CDH2: variants seen among roughly 807,000 people sequenced by gnomAD.
The protein encoded by CDH2 is cadherin 2.
Under a neutral mutation model 92.0 loss-of-function variants are expected in CDH2, and 17 were observed. The observed-to-expected ratio is 0.18, with a 90% CI of 0.13 to 0.28. The LOEUF (loss-of-function observed/expected upper bound fraction) is 0.28. Among genes scored for constraint, CDH2 ranks in the 10% least tolerant of loss-of-function variants. CDH2 has a pLI of 1.00. For missense variants in CDH2, 862 were observed against 1,133.1 expected (o/e 0.76, Z 3.44); for synonymous variants, 419 against 415.9 (o/e 1.01, Z -0.09).
intron 2 of CDH2, among the ~76,000 whole-genome samples, chr18:28,047,070 C>T (rs989455707): frequency 1.3e-5 from 2 of 152,142 alleles, no homozygotes; most frequent in Non-Finnish European, 2.9e-5. Flanking sequence ...TAGAGGGATT[C>T]CTTTACACTT....
At chr18:28,091,188 GT>G (rs781539894) in intron 2 of CDH2, among the ~76,000 whole-genome samples, 1 of 152,070 alleles carries the variant, frequency 6.6e-6, no homozygotes, top group Non-Finnish European at 1.5e-5. Flanking sequence ...GTTTTGTTTT[GT>G]TTTTTTCCTA....
intron 14 of CDH2, among the ~76,000 whole-genome samples, chr18:27,977,272 A>C (rs1202162749): frequency 1.3e-5 from 2 of 152,188 alleles, no homozygotes; most frequent in Non-Finnish European, 2.9e-5. Context: ...TAGCCTCCTG[A>C]CAATCTAAGC....
chr18:28,089,058 T>C (rs2014989448), intron 2 of CDH2, among the ~76,000 whole-genome samples: 1 of 152,182 alleles, frequency 6.6e-6, no homozygotes, highest in Non-Finnish European at 1.5e-5. Context: ...TTCTCATAAC[T>C]GAATAGAAGT....
intron 2 of CDH2, among the ~76,000 whole-genome samples, chr18:28,035,194 T>C (rs1326100406): frequency 6.6e-6 from 1 of 152,030 alleles, no homozygotes; most frequent in Non-Finnish European, 1.5e-5. Context: ...TCTAATAAAA[T>C]AAACTCATTC....
chr18:28,027,314 C>CAA (rs766325390), intron 2 of CDH2, among the ~76,000 whole-genome samples: 1 of 146,426 alleles, frequency 6.8e-6, no homozygotes, highest in Admixed American at 6.8e-5. Flanking sequence ...AGGTTAAGTT[C>CAA]AAAAAAAAAA....
intron 6 of CDH2, among the ~76,000 whole-genome samples, chr18:27,933,582 G>C (rs183568549): frequency 6.6e-6 from 1 of 152,242 alleles, no homozygotes; most frequent in African/African-American, 2.4e-5. Context: ...AGAGAGAAAA[G>C]GAGGGAGAGA....
intron 5 of CDH2, among the ~76,000 whole-genome samples, chr18:28,007,165 A>AAAAAAAAAAATATATATATAT (rs1172779200): frequency 6.3e-5 from 7 of 110,498 alleles, no homozygotes; most frequent in African/African-American, 2.7e-4. Context: ...ATAAAAAAAA[A>AAAAAAAAAAATATATATATAT]ATATATATAT....
downstream of CDH2, among the ~76,000 whole-genome samples, chr18:27,948,944 G>GT (rs978187431): frequency 6.6e-6 from 1 of 151,850 alleles, no homozygotes; most frequent in African/African-American, 2.4e-5. Context: ...CTGTATGCAT[G>GT]TTTTTTTATT....
chr18:28,072,391 C>T (rs996385690), intron 2 of CDH2, among the ~76,000 whole-genome samples: 5 of 152,172 alleles, frequency 3.3e-5, no homozygotes, highest in African/African-American at 1.2e-4. Flanking sequence ...TGTCTTTCCT[C>T]TTCAGTGCCT....
At chr18:28,013,958 C>CAAAAAAAAA (rs201355003) in intron 2 of CDH2, 49 bp from the exon 3 acceptor site, 1 of 1,302,380 alleles carries the variant, frequency 7.7e-7, no homozygotes, top group Non-Finnish European at 1.1e-6. Context: ...ACCAAAAAGG[C>CAAAAAAAAA]AAAAAAAAAC....
intron 2 of CDH2, among the ~76,000 whole-genome samples, chr18:28,038,422 AGTGTGTGTGTGT>A (rs57601293): frequency 1.3e-3 from 180 of 142,380 alleles, no homozygotes; most frequent in Middle Eastern, 3.6e-3. Context: ...CCTTGTCTCA[AGTGTGTGTGTGT>A]GTGTGTGTGT....
At chr18:28,016,529 A>T (rs2013251394) in intron 2 of CDH2, among the ~76,000 whole-genome samples, 1 of 152,156 alleles carries the variant, frequency 6.6e-6, no homozygotes, top group Non-Finnish European at 1.5e-5. Flanking sequence ...ATACTTATGG[A>T]ATGCCAGGCA....
At chr18:28,044,706 T>C (rs978710307) in intron 2 of CDH2, among the ~76,000 whole-genome samples, 10 of 152,120 alleles carry the variant, frequency 6.6e-5, no homozygotes, top group Non-Finnish European at 7.4e-5. Flanking sequence ...AATGGTTCAA[T>C]GATGGGCCTG....
Position 28,053,447 on chromosome 18 carries a change from T to C in CDH2, c.173-39538A>G, listed in dbSNP as rs17535678. On this transcript the variant is annotated intron_variant, in intron 2 of 15. Transcript: ENST00000269141. ...CCTGTCACATGTTAAATAAAATTTGTAGGGCCCAACAGACCAAACCAAGAT... is the reference window on the plus strand; with the variant it reads ...CCTGTCACATGTTAAATAAAATTTGCAGGGCCCAACAGACCAAACCAAGAT... 1.5e-3 allele frequency among the ~76,000 whole-genome samples: 228 copies of C among 152,308 alleles called. 1 individual carries two copies. Among genetic ancestry groups the C allele is most frequent in the African/African-American group, 5.2e-3 (215 of 41,580 alleles).
intron 2 of CDH2, among the ~76,000 whole-genome samples, chr18:28,091,455 T>A (rs1203171638): frequency 2.0e-5 from 3 of 152,220 alleles, no homozygotes; most frequent in Non-Finnish European, 2.9e-5. Flanking sequence ...TCTCTCTGTA[T>A]GTTTTTGTAA....
intron 2 of CDH2, among the ~76,000 whole-genome samples, chr18:28,047,936 CTATTTAATGTTTTAA>C (rs1489273478): frequency 6.7e-6 from 1 of 149,556 alleles, no homozygotes; most frequent in Non-Finnish European, 1.5e-5. Flanking sequence ...GTTTTTGCCT[CTATTTAATGTTTTAA>C]TATTTAATGC....
chr18:28,094,699 C>T lies in CDH2; in HGVS notation c.172+52974G>A, dbSNP rs562250678. ...GTCCCAGCTACTCAGGAGGCTGAGG[C>T]AGGAGAATGGCGTGAACCCGGGAAG... is the stretch of plus-strand genomic sequence containing the variant. On this transcript the variant is annotated intron_variant, in intron 2 of 15. Coordinates refer to ENST00000269141, the MANE Select transcript of CDH2 (RefSeq NM_001792.5). Among the ~76,000 whole-genome samples the T allele has an allele frequency of 6.6e-4, 97 of 146,970 alleles. 1 individual carries two copies. Among genetic ancestry groups the T allele is most frequent in the African/African-American group, 2.4e-3 (96 of 39,762 alleles).
At chr18:28,021,441 C>A (rs765870978) in intron 2 of CDH2, among the ~76,000 whole-genome samples, 2 of 151,752 alleles carry the variant, frequency 1.3e-5, no homozygotes, top group Admixed American at 6.6e-5. Flanking sequence ...TAAGTCTATA[C>A]ACGATTAAAT....
chr18:28,047,534 C>G (rs1010909900), intron 2 of CDH2, among the ~76,000 whole-genome samples: 1 of 152,024 alleles, frequency 6.6e-6, no homozygotes, highest in African/African-American at 2.4e-5. Context: ...GTTCTGATCT[C>G]GTAAGATTTG....
Sources: allele counts gnomAD v4.1 joint callset (sites outside exome capture counted in the v4.1 genomes callset), GRCh38; gene constraint gnomAD v4.1.1; transcripts MANE v1.5; gene names NCBI Gene and HGNC (gene_info 2026-07-23, HGNC 2026-07-21).